TPRG1: variants seen among roughly 807,000 people sequenced by gnomAD.
TPRG1 encodes the protein tumor protein p63 regulated 1, also known as tumor protein p63-regulated gene 1 protein.
TPRG1 carries 29 observed loss-of-function variants against 29.3 expected under a neutral mutation model. The ratio of observed to expected loss-of-function variants is 0.99; its 90% CI spans 0.74 to 1.35. The LOEUF is 1.35. Ranked by LOEUF, TPRG1 falls within the 40% of genes most tolerant of loss-of-function variation. The probability of loss-of-function intolerance (pLI) is 0.00; values close to 1 mark genes in which losing one functional copy is unlikely to be tolerated. For synonymous variants in TPRG1, 130 were observed against 116.8 expected, an observed-to-expected ratio of 1.11 and a Z score of -0.73; for missense variants, 327 against 335.0, an observed-to-expected ratio of 0.98 and a Z score of 0.19.
intron 3 of TPRG1, among the ~76,000 whole-genome samples, chr3:189,019,599 A>G (rs1713171856): frequency 6.6e-6 from 1 of 152,202 alleles, no homozygotes; most frequent in Non-Finnish European, 1.5e-5. Context: ...ATCATGATGG[A>G]TAAGCTTTTT....
intron 4 of TPRG1, among the ~76,000 whole-genome samples, chr3:189,076,016 C>T (rs949785797): frequency 2.6e-5 from 4 of 152,046 alleles, no homozygotes; most frequent in African/African-American, 9.7e-5. Context: ...TATTTATTTT[C>T]TTCAACCCCA....
intron 4 of TPRG1, among the ~76,000 whole-genome samples, chr3:189,032,791 C>T (rs1315960852): frequency 7.6e-6 from 1 of 131,036 alleles, no homozygotes; most frequent in East Asian, 2.6e-4. Context: ...TGTTGCCCTT[C>T]CTGTGTCCAT....
rs1256570453 is a variant in TPRG1, at chr3:189,304,121, T to TG, written c.480-6265_480-6264insG. 2.0e-5 allele frequency among the ~76,000 whole-genome samples: 3 copies of TG among 151,646 alleles called. No individual in the cohort carries two copies. In the Admixed American group the frequency reaches 2.0e-4, roughly 10 times the overall value. ...TATCCCTTGGGTTAACTCTTGTTTT[T>TG]TTTTTTTTTTGTCTAACCAGCATAA... On this transcript the variant is annotated intron_variant, in intron 4 of 5. Coordinates refer to ENST00000345063, the MANE Select transcript of TPRG1 (RefSeq NM_198485.4).
intron 3 of TPRG1, among the ~76,000 whole-genome samples, chr3:189,140,033 C>A (rs967773003): frequency 6.6e-6 from 1 of 152,150 alleles, no homozygotes; most frequent in African/African-American, 2.4e-5. Flanking sequence ...TGAACTAGCC[C>A]TGTCAGATCT....
chr3:189,062,800 T>A (rs1031763793), intron 4 of TPRG1, among the ~76,000 whole-genome samples: 1 of 151,754 alleles, frequency 6.6e-6, no homozygotes, highest in African/African-American at 2.4e-5. Context: ...TAAATCAAAA[T>A]AGAATAATAA....
intron 3 of TPRG1, among the ~76,000 whole-genome samples, chr3:189,231,943 TTGTGTGTGTGTGTGTG>T (rs10576562): frequency 6.8e-6 from 1 of 147,588 alleles, no homozygotes; most frequent in African/African-American, 2.5e-5. Flanking sequence ...CAAACCTGGT[TTGTGTGTGTGTGTGTG>T]TGTGTGTGTG....
intron 1 of TPRG1, 127 bp from the exon 2 acceptor site, chr3:189,207,249 A>T: frequency 7.0e-7 from 1 of 1,428,896 alleles, no homozygotes. Context: ...GCCTCTGTTT[A>T]GTTAACATGA....
At chr3:189,230,079 A>AG (rs1738394073) in intron 3 of TPRG1, among the ~76,000 whole-genome samples, 1 of 152,196 alleles carries the variant, frequency 6.6e-6, no homozygotes, top group African/African-American at 2.4e-5. Flanking sequence ...AAAGTCGGTC[A>AG]GGGGTGGGCC....
intron 4 of TPRG1, among the ~76,000 whole-genome samples, chr3:189,148,335 C>G (rs1162200850): frequency 6.6e-6 from 1 of 152,172 alleles, no homozygotes; most frequent in African/African-American, 2.4e-5. Context: ...GCAAAGGGCT[C>G]ACAGTCTAAT....
chr3:189,270,265 G>T (rs1265291080), intron 4 of TPRG1, among the ~76,000 whole-genome samples: 4 of 152,004 alleles, frequency 2.6e-5, no homozygotes, highest in African/African-American at 9.7e-5. Context: ...GGATATCCGT[G>T]TCAGGAATTT....
At chr3:189,104,155 C>T (rs1481965300) in intron 1 of TPRG1, among the ~76,000 whole-genome samples, 1 of 152,044 alleles carries the variant, frequency 6.6e-6, no homozygotes, top group Non-Finnish European at 1.5e-5. Context: ...TAGATGCCCC[C>T]CAACAGTAGC....
At chr3:189,317,790 T>C (rs982456162) in intron 5 of TPRG1, among the ~76,000 whole-genome samples, 12 of 152,216 alleles carry the variant, frequency 7.9e-5, no homozygotes, top group Non-Finnish European at 1.6e-4. Context: ...TATAAAATGT[T>C]CTCTGATAAA....
At chr3:189,212,815 TC>T (rs1427234601) in intron 2 of TPRG1, among the ~76,000 whole-genome samples, 1 of 152,174 alleles carries the variant, frequency 6.6e-6, no homozygotes, top group African/African-American at 2.4e-5. Flanking sequence ...GCTCATTACA[TC>T]GAGAAAAATT....
chr3:189,032,899 C>T (rs574624957), intron 4 of TPRG1, among the ~76,000 whole-genome samples: 1 of 151,946 alleles, frequency 6.6e-6, no homozygotes, highest in East Asian at 1.9e-4. Flanking sequence ...TTTCCAATTT[C>T]ATCCATGTCC....
At chr3:189,180,623 A>G (rs1009393998) in intron 1 of TPRG1, among the ~76,000 whole-genome samples, 10 of 152,214 alleles carry the variant, frequency 6.6e-5, no homozygotes, top group African/African-American at 2.2e-4. Context: ...GTAGGTTCCA[A>G]TGGTCTTAGA....
chr3:189,147,101 G>A (rs145739818), intron 3 of TPRG1, among the ~76,000 whole-genome samples: 1 of 152,290 alleles, frequency 6.6e-6, no homozygotes, highest in East Asian at 1.9e-4. Context: ...GCTGGGATTT[G>A]AACCCCGGTC....
intron 4 of TPRG1, among the ~76,000 whole-genome samples, chr3:189,288,368 G>T (rs1182380930): frequency 1.3e-5 from 2 of 152,144 alleles, no homozygotes; most frequent in Admixed American, 1.3e-4. Context: ...AAAGGCCAAT[G>T]TACATTGCAG....
chr3:189,014,325 G>A (rs570481638), intron 3 of TPRG1, among the ~76,000 whole-genome samples: 1 of 152,250 alleles, frequency 6.6e-6, no homozygotes, highest in East Asian at 1.9e-4. Flanking sequence ...TAAGAAAGTT[G>A]AATACTGGCC....
At chr3:189,086,822 A>T (rs1717976871) in intron 4 of TPRG1, among the ~76,000 whole-genome samples, 1 of 152,158 alleles carries the variant, frequency 6.6e-6, no homozygotes, top group African/African-American at 2.4e-5. Flanking sequence ...CCATGTCCCT[A>T]CAAAGGACAT....
Sources: allele counts gnomAD v4.1 joint callset (sites outside exome capture counted in the v4.1 genomes callset), GRCh38; gene constraint gnomAD v4.1.1; transcripts MANE v1.5; gene names NCBI Gene and HGNC (gene_info 2026-07-23, HGNC 2026-07-21).